Variants in MMP26 observed in about 807,000 individuals in gnomAD.
MMP26 encodes matrix metallopeptidase 26.
A neutral mutation model predicts 31.0 loss-of-function variants in MMP26; 33 were observed. The observed-to-expected ratio is 1.06, with a 90% CI of 0.81 to 1.42. The LOEUF (loss-of-function observed/expected upper bound fraction) is 1.42, where lower values mean the gene tolerates loss of function less well. MMP26 is among the 40% of genes most tolerant of loss of function. The probability of loss-of-function intolerance (pLI) is 0.00; values close to 1 mark genes in which losing one functional copy is unlikely to be tolerated. For synonymous variants in MMP26, 122 were observed against 114.9 expected (o/e 1.06, Z -0.40); for missense variants, 347 against 316.1 (o/e 1.10, Z -0.74).
rs560529853 is a variant in MMP26, at chr11:4,826,031, G to A, written c.-145+58690G>A. On this transcript the variant is annotated intron_variant, in intron 2 of 7. Coordinates refer to ENST00000380390, the MANE Select transcript of MMP26 (RefSeq NM_021801.5). The stretch of plus-strand genomic sequence containing the variant: ...GAATTCAGTAGAAACAGCTATAAGG[G>A]GCAACCATTACCCCAAGCACTGGGA... Among the ~76,000 whole-genome samples, 10 of 152,060 alleles carry A rather than the reference G, an allele frequency of 6.6e-5. No homozygotes were observed. The South Asian group carries it at 1.0e-3, about 16-fold the overall frequency.
intron 2 of MMP26, among the ~76,000 whole-genome samples, chr11:4,809,608 A>C (rs1304586697): frequency 6.6e-6 from 1 of 152,196 alleles, no homozygotes; most frequent in South Asian, 2.1e-4. Flanking sequence ...GAGGTATCTG[A>C]AAATAAGGCA....
chr11:4,722,616 G>A, intron 1 of MMP26: 1 of 609,878 alleles, frequency 1.6e-6, no homozygotes, highest in Non-Finnish European at 2.9e-6. Context: ...GTGGGCTGAG[G>A]GCTAGGGCTG....
chr11:4,856,483 A>G (rs977164129), intron 2 of MMP26, among the ~76,000 whole-genome samples: 4 of 152,238 alleles, frequency 2.6e-5, no homozygotes, highest in Non-Finnish European at 5.9e-5. Context: ...GAAGGCCATT[A>G]CATAATGGTA....
At chr11:4,777,754 A>T (rs1594813) in intron 2 of MMP26, among the ~76,000 whole-genome samples, 14,361 of 152,106 alleles carry the variant, frequency 0.094, 853 homozygotes, top group Middle Eastern at 0.15. Context: ...ATTCTTCCAC[A>T]GAGTGTGTAT....
At chr11:4,930,965 A>G (rs1851338399) in intron 2 of MMP26, among the ~76,000 whole-genome samples, 1 of 152,016 alleles carries the variant, frequency 6.6e-6, no homozygotes. Flanking sequence ...GTATTTTAAG[A>G]GTCTAAGTAT....
chr11:4,747,826 T>C (rs1380345014), intron 1 of MMP26, among the ~76,000 whole-genome samples: 4 of 151,958 alleles, frequency 2.6e-5, no homozygotes, highest in Non-Finnish European at 5.9e-5. Context: ...TTTTATAGCA[T>C]TAAATGCCTG....
Position 4,707,354 on chromosome 11 carries a change from T to C in MMP26, c.-217+2309T>C, listed in dbSNP as rs187577391. On this transcript the variant is annotated intron_variant, in intron 1 of 7. Transcript: ENST00000380390. ...TTGGAGAAATCTCTATTCAAGTCCT[T>C]TGTCCCTTTTTAAATTGAGTTATTT... is the stretch of plus-strand genomic sequence containing the variant. Among the ~76,000 whole-genome samples the C allele has an allele frequency of 1.6e-3, 248 of 152,336 alleles. 7 individuals carry two copies. The South Asian group carries it at 0.022, about 13-fold the overall frequency.
At chr11:4,757,974 A>G (rs1848524957) in intron 1 of MMP26, among the ~76,000 whole-genome samples, 1 of 152,134 alleles carries the variant, frequency 6.6e-6, no homozygotes, top group Non-Finnish European at 1.5e-5. Context: ...ACATAAACTT[A>G]CCATATGATC....
rs761245185 is a variant in MMP26, at chr11:4,954,166, C to G, written c.-144-33902C>G. On this transcript the variant is annotated intron_variant, in intron 2 of 7. Coordinates refer to ENST00000380390, the MANE Select transcript of MMP26 (RefSeq NM_021801.5). Reference sequence around the variant, plus strand: ...TTTTAATTACTCTTGCCTTGCATAGCGAATCTTTTATAAGGCAGGGAACTT... The same window carrying G: ...TTTTAATTACTCTTGCCTTGCATAGGGAATCTTTTATAAGGCAGGGAACTT... 2.2e-4 allele frequency among the ~76,000 whole-genome samples: 27 copies of G among 124,644 alleles called. 9 individuals carry two copies. The highest frequency in any genetic ancestry group is 1.2e-3 in the Admixed American group (13 of 11,232). The allele number at this position is 124,644 out of a possible 152,430, so 81.8% of individuals were successfully genotyped here.
intron 2 of MMP26, among the ~76,000 whole-genome samples, chr11:4,768,489 C>CTT: frequency 6.6e-6 from 1 of 152,182 alleles, no homozygotes; most frequent in Non-Finnish European, 1.5e-5. Flanking sequence ...ATGACTTTGG[C>CTT]AGAGTATGTA....
chr11:4,860,722 A>G (rs1850141909), intron 2 of MMP26: 1 of 309,278 alleles, frequency 3.2e-6, no homozygotes, highest in African/African-American at 2.2e-5. Context: ...TGATATTTGT[A>G]ACACTGTGTC....
At chr11:4,976,308 A>G (rs1846735061) in intron 2 of MMP26, among the ~76,000 whole-genome samples, 1 of 152,138 alleles carries the variant, frequency 6.6e-6, no homozygotes, top group African/African-American at 2.4e-5. Flanking sequence ...TATTAATAGG[A>G]TAATGATGTT....
At chr11:4,768,250 G>T (rs532525626) in intron 2 of MMP26, among the ~76,000 whole-genome samples, 1 of 152,290 alleles carries the variant, frequency 6.6e-6, no homozygotes, top group South Asian at 2.1e-4. Flanking sequence ...CCCATTCCCT[G>T]TGATAAATTA....
At position 4,836,346 on chromosome 11, in the gene MMP26, G is replaced by A. The variant is rs550025693; in HGVS notation, c.-145+69005G>A. Among the ~76,000 whole-genome samples the A allele has an allele frequency of 4.6e-5, 7 of 151,748 alleles. No homozygotes were observed. In the East Asian group the frequency reaches 1.2e-3, roughly 25 times the overall value. On this transcript the variant is annotated intron_variant, in intron 2 of 7. Coordinates refer to ENST00000380390, the MANE Select transcript of MMP26 (RefSeq NM_021801.5). ...GTGAGCACCTGAGATTTTTTGGTTG[G>A]TATACAGTAAGTGAACTAAGAGTGT...
intron 2 of MMP26, chr11:4,821,614 C>G (rs377036892): frequency 2.7e-5 from 43 of 1,613,800 alleles, no homozygotes; most frequent in Non-Finnish European, 3.6e-5. Flanking sequence ...GTACTATTTC[C>G]TCTCTATGCT....
At chr11:4,721,648 T>C (rs1848015075) in intron 1 of MMP26, among the ~76,000 whole-genome samples, 1 of 152,210 alleles carries the variant, frequency 6.6e-6, no homozygotes. Context: ...TTAGGTGATA[T>C]ATTTTGACTG....
chr11:4,804,946 G>T (rs1849246073), intron 2 of MMP26, among the ~76,000 whole-genome samples: 2 of 150,138 alleles, frequency 1.3e-5, no homozygotes, highest in Admixed American at 1.3e-4. Flanking sequence ...CTCCAGCCTG[G>T]GTGTCAGAGC....
At chr11:4,739,116 A>G (rs966928518) in intron 1 of MMP26, among the ~76,000 whole-genome samples, 4 of 152,194 alleles carry the variant, frequency 2.6e-5, no homozygotes, top group African/African-American at 9.6e-5. Context: ...ATTAAGCTTC[A>G]GGGATAGGAG....
At chr11:4,823,810 C>T (rs746882743) in intron 2 of MMP26, among the ~76,000 whole-genome samples, 2 of 152,112 alleles carry the variant, frequency 1.3e-5, no homozygotes, top group Non-Finnish European at 2.9e-5. Flanking sequence ...TGTGATTAAG[C>T]ATCTGAAGAA....
Sources: allele counts gnomAD v4.1 joint callset (sites outside exome capture counted in the v4.1 genomes callset), GRCh38; gene constraint gnomAD v4.1.1; transcripts MANE v1.5; gene names NCBI Gene and HGNC (gene_info 2026-07-23, HGNC 2026-07-21).